The following SEPTIN4 variants were observed in gnomAD, a reference collection of about 807,000 sequenced individuals.
SEPTIN4 encodes septin-4.
A neutral mutation model predicts 107.1 loss-of-function variants in SEPTIN4; 52 were observed. The ratio of observed to expected loss-of-function variants is 0.49; its 90% CI spans 0.39 to 0.61. The LOEUF (loss-of-function observed/expected upper bound fraction) is 0.61, where lower values mean the gene tolerates loss of function less well. SEPTIN4 is among the 20% of genes least tolerant of loss of function. The pLI is 0.00. For missense variants in SEPTIN4, 1,048 were observed against 1,243.5 expected (o/e 0.84, Z 2.36); for synonymous variants, 417 against 467.0 (o/e 0.89, Z 1.38).
At chr17:58,533,792 C>T (rs2043614868) in intron 3 of SEPTIN4, among the ~76,000 whole-genome samples, 1 of 152,190 alleles carries the variant, frequency 6.6e-6, no homozygotes, top group Non-Finnish European at 1.5e-5. Context: ...CTATACAAAG[C>T]CCCACTGTTC....
intron 3 of SEPTIN4, among the ~76,000 whole-genome samples, chr17:58,535,260 T>C (rs781533387): frequency 3.3e-5 from 5 of 152,196 alleles, no homozygotes; most frequent in Non-Finnish European, 7.4e-5. Context: ...GGGAACACTG[T>C]GTTTCCTGGC....
chr17:58,528,975 AG>A, intron 3 of SEPTIN4: 1 of 960,690 alleles, frequency 1.0e-6, no homozygotes, highest in East Asian at 2.6e-5. Context: ...TCAGGACACC[AG>A]GGTCCTCACC....
rs369863877 is a variant in SEPTIN4, at chr17:58,526,787, G to C, written c.1806C>G (p.Pro602=). ...AGTACTGCTGGTTGTCAGAGGACTG[G>C]GGCCGCGAGGGGGGTCTGAACTCCA... is the stretch of plus-strand genomic sequence containing the variant. ...DDLEFRPPSR[P]QSSDNQQYFC... Residue 602 remains proline, a synonymous_variant, in exon 4 of 14, where the codon CCC becomes CCG. Transcript: ENST00000672673. 8.1e-6 allele frequency: 13 copies of C among 1,613,642 alleles called. No homozygotes were observed. The highest frequency in any genetic ancestry group is 2.7e-5 in the African/African-American group (2 of 74,870).
intron 4 of SEPTIN4, 26 bp downstream of exon 4, chr17:58,526,656 G>A (rs2042931380): frequency 6.5e-7 from 1 of 1,537,316 alleles, no homozygotes; most frequent in Admixed American, 2.2e-5. Context: ...CCCACTGAAA[G>A]GCAAAGGCAG....
At position 58,526,772 on chromosome 17, in the gene SEPTIN4, G is replaced by C. The variant is rs781141129; in HGVS notation, c.1821C>G (p.Asn607Lys). 6.2e-7 allele frequency: 1 copy of C among 1,613,810 alleles called. No individual in the cohort carries two copies. The highest frequency in any genetic ancestry group is 1.3e-5 in the African/African-American group (1 of 74,994). Residue 607 changes from asparagine (N) to lysine (K), a missense_variant, in exon 4 of 14, where the codon AAC (asparagine) becomes AAG (lysine). Asn to Lys is a moderately conservative substitution (Grantham distance 94). This residue lies in a region of SEPTIN4 where 787 missense variants were observed against 871.8 expected (regional missense o/e 0.90). Coordinates refer to ENST00000672673, the MANE Select transcript of SEPTIN4 (RefSeq NM_001368771.2). ...GGGCTGGGGCACAGAAGTACTGCTG[G>C]TTGTCAGAGGACTGGGGCCGCGAGG... ...RPPSRPQSSD[N>K]QQYFCAPAPL... is the part of the protein sequence containing the mutation.
chr17:58,539,422 C>T (rs1016656929), intron 3 of SEPTIN4, among the ~76,000 whole-genome samples: 1 of 152,034 alleles, frequency 6.6e-6, no homozygotes, highest in African/African-American at 2.4e-5. Context: ...TAGGGGTGAG[C>T]AAAAGGCTAG....
chr17:58,537,879 C>T (rs1332901169), intron 3 of SEPTIN4, among the ~76,000 whole-genome samples: 1 of 149,716 alleles, frequency 6.7e-6, no homozygotes, highest in African/African-American at 2.5e-5. Flanking sequence ...CCGTTTTCAG[C>T]AGTTCTGCTC....
chr17:58,523,110 G>A (rs1006690192), intron 7 of SEPTIN4, among the ~76,000 whole-genome samples: 1 of 152,090 alleles, frequency 6.6e-6, no homozygotes, highest in East Asian at 1.9e-4. Context: ...GGTAGTTCAC[G>A]CCTGTAATCC....
chr17:58,533,041 A>G (rs1428338529), intron 3 of SEPTIN4, among the ~76,000 whole-genome samples: 3 of 152,186 alleles, frequency 2.0e-5, no homozygotes, highest in Non-Finnish European at 4.4e-5. Context: ...CACTCTGGAC[A>G]AAACTGAGAC....
At chr17:58,529,595 G>A (rs940766444) in intron 3 of SEPTIN4, among the ~76,000 whole-genome samples, 1 of 152,192 alleles carries the variant, frequency 6.6e-6, no homozygotes, top group Non-Finnish European at 1.5e-5. Context: ...ACTGTGGCCT[G>A]TATGAGGACT....
At chr17:58,525,230 CA>C (rs769959937) in intron 6 of SEPTIN4, 29 bp from the exon 7 acceptor site, 35 of 1,611,000 alleles carry the variant, frequency 2.2e-5, no homozygotes, top group Non-Finnish European at 2.9e-5. Flanking sequence ...GAGGCCAGGG[CA>C]AGGGCAGGGA....
Position 58,526,784 on chromosome 17 carries a change from C to G in SEPTIN4, c.1809G>C (p.Gln603His). Residue 603 changes from glutamine (Q) to histidine (H), a missense_variant, in exon 4 of 14, where the codon CAG becomes CAC. Coordinates refer to ENST00000672673, the MANE Select transcript of SEPTIN4 (RefSeq NM_001368771.2). Reference protein sequence around the residue: ...DLEFRPPSRPQSSDNQQYFCA... With the variant: ...DLEFRPPSRPHSSDNQQYFCA... ...AGAAGTACTGCTGGTTGTCAGAGGACTGGGGCCGCGAGGGGGGTCTGAACT... is the reference window on the plus strand; with the variant it reads ...AGAAGTACTGCTGGTTGTCAGAGGAGTGGGGCCGCGAGGGGGGTCTGAACT... 6.2e-7 allele frequency: 1 copy of G among 1,613,708 alleles called. No homozygotes were observed. Among genetic ancestry groups the G allele is most frequent in the Non-Finnish European group, 8.5e-7 (1 of 1,179,900 alleles).
intron 3 of SEPTIN4, chr17:58,527,749 G>A (rs2043083090): frequency 2.6e-6 from 2 of 768,234 alleles, no homozygotes; most frequent in South Asian, 5.8e-5. Context: ...CCTGGGAAAG[G>A]CTGGGCCTCC....
chr17:58,542,739 G>A lies in SEPTIN4; in HGVS notation c.1448C>T (p.Ser483Leu). The A allele has an allele frequency of 6.2e-7, 1 of 1,614,234 alleles. No homozygotes were observed. Among genetic ancestry groups the A allele is most frequent in the Non-Finnish European group, 8.5e-7 (1 of 1,180,044 alleles). ...AAACTCCTTTGGTGGTGATGGTGGT[G>A]ATAGGCTTGCCTTCTCTCTCTGGAA... ...LKFQREKASLSPPSPPKEFPS... is the reference protein window; with the variant it reads ...LKFQREKASLLPPSPPKEFPS... The change falls in exon 1 of 14, where the codon TCA becomes TTA. Residue 483 changes from serine (S) to leucine (L), a missense_variant. Physicochemically the swap from Ser to Leu is moderately radical, Grantham distance 145. Coordinates refer to ENST00000672673, the MANE Select transcript of SEPTIN4 (RefSeq NM_001368771.2).
chr17:58,528,970 A>G, intron 3 of SEPTIN4: 1 of 916,162 alleles, frequency 1.1e-6, no homozygotes, highest in Non-Finnish European at 1.7e-6. Context: ...AGGAGTCAGG[A>G]CACCAGGGTC....
In SEPTIN4 at chr17:58,543,843, T is replaced by C. The variant is rs1211235304; in HGVS notation, c.344A>G (p.His115Arg). ...KSQKTQTLASHASSRQWKVSP... is the reference protein window; with the variant it reads ...KSQKTQTLASRASSRQWKVSP... ...AACTTTCCATTGTCTGCTTGAAGCA[T>C]GGGAAGCCAGTGTCTGAGTCTTCTG... Residue 115 changes from histidine (H) to arginine (R), a missense_variant, in exon 1 of 14, where the codon CAT (histidine) becomes CGT (arginine). By Grantham distance (29) the His-to-Arg change is conservative (BLOSUM62 0). This residue lies in a region of SEPTIN4 where 787 missense variants were observed against 871.8 expected (regional missense o/e 0.90). Coordinates refer to ENST00000672673, the MANE Select transcript of SEPTIN4 (RefSeq NM_001368771.2). 1 of 1,614,032 alleles carries C rather than the reference T, an allele frequency of 6.2e-7. No homozygotes were observed. The highest frequency in any genetic ancestry group is 1.3e-5 in the African/African-American group (1 of 74,912).
chr17:58,541,590 G>T, intron 2 of SEPTIN4: 1 of 513,448 alleles, frequency 1.9e-6, no homozygotes, highest in Non-Finnish European at 3.4e-6. Flanking sequence ...AGACTGTGAA[G>T]CAGGCGGTTT....
Position 58,521,753 on chromosome 17 carries a change from C to T in SEPTIN4, c.2452G>A (p.Asp818Asn), listed in dbSNP as rs752302643. 1 of 1,614,230 alleles carries T rather than the reference C, an allele frequency of 6.2e-7. No homozygotes were observed. The highest frequency in any genetic ancestry group is 1.1e-5 in the South Asian group (1 of 91,078). Reference protein sequence around the residue: ...KADTLTPPEVDHKKRKIREEI... With the variant: ...KADTLTPPEVNHKKRKIREEI... ...TCCCTCACTTTGCGTTTCTTGTGGT[C>T]CACTTCGGGAGGTGTCAGTGTGTCT... The change falls in exon 9 of 14, where the codon GAC (aspartate) becomes AAC (asparagine). Residue 818 changes from aspartate to asparagine, a missense_variant. Transcript: ENST00000672673. The surrounding 1 kb of genome is among the most constrained non-coding windows in gnomAD (Gnocchi z 6.4).
At position 58,543,956 on chromosome 17, in the gene SEPTIN4, AGGTCCTGACTGGAGG is replaced by A. The variant is rs1444243387; in HGVS notation, c.216_230del (p.Leu73_Pro77del). On this transcript the variant is annotated inframe_deletion, in exon 1 of 14. Coordinates refer to ENST00000672673, the MANE Select transcript of SEPTIN4 (RefSeq NM_001368771.2). ...GAGGAGTGGGTACTGCATAGTGTCCAGGTCCTGACTGGAGGGAGACAGATCGAGGGTAGTCTGATG... is the reference window on the plus strand; with the variant it reads ...GAGGAGTGGGTACTGCATAGTGTCCAGAGACAGATCGAGGGTAGTCTGATG... 6.2e-6 allele frequency: 10 copies of A among 1,613,844 alleles called. No individual in the cohort carries two copies. The highest frequency in any genetic ancestry group is 8.5e-6 in the Non-Finnish European group (10 of 1,179,950).
Sources: gnomAD v4.1 joint callset for allele counts (sites outside exome capture counted in the v4.1 genomes callset) on GRCh38, gnomAD v4.1.1 for gene constraint, gnomAD v4.1.1 regional missense constraint, Gnocchi (gnomAD v3.1) non-coding constraint, MANE v1.5 for transcripts, NCBI Gene and HGNC (gene_info 2026-07-23, HGNC 2026-07-21) for gene names.